The following MLLT10 variants were observed in gnomAD, a reference collection of about 807,000 sequenced individuals.
MLLT10 encodes protein AF-10.
Under a neutral mutation model 129.1 loss-of-function variants are expected in MLLT10, and 30 were observed. The observed-to-expected ratio is 0.23, with a 90% confidence interval of 0.17 to 0.32. The LOEUF is 0.32. Among genes scored for constraint, MLLT10 ranks in the 10% least tolerant of loss-of-function variants. The probability of loss-of-function intolerance (pLI) is 1.00; values close to 1 mark genes in which losing one functional copy is unlikely to be tolerated. For synonymous variants in MLLT10, 490 were observed against 446.4 expected, an observed-to-expected ratio of 1.10 and a Z score of -1.23; for missense variants, 1,119 against 1,268.3, an observed-to-expected ratio of 0.88 and a Z score of 1.79.
At chr10:21,585,417 G>C (rs2041897672) in intron 3 of MLLT10, among the ~76,000 whole-genome samples, 1 of 152,022 alleles carries the variant, frequency 6.6e-6, no homozygotes, top group African/African-American at 2.4e-5. Flanking sequence ...GAGAAGGAGA[G>C]GGATCCACAA....
intron 11 of MLLT10, among the ~76,000 whole-genome samples, chr10:21,678,855 CA>C (rs1564633315): frequency 6.6e-6 from 1 of 152,168 alleles, no homozygotes; most frequent in Non-Finnish European, 1.5e-5. Context: ...ATCCTTGGAA[CA>C]GCCTTGTGAA....
intron 21 of MLLT10, among the ~76,000 whole-genome samples, chr10:21,739,198 G>A (rs1167232697): frequency 6.6e-6 from 1 of 152,032 alleles, no homozygotes; most frequent in African/African-American, 2.4e-5. Flanking sequence ...GCCATGCCTT[G>A]CCACTGCAAG....
At chr10:21,681,660 A>AT (rs11353777) in intron 12 of MLLT10, among the ~76,000 whole-genome samples, 2 of 151,632 alleles carry the variant, frequency 1.3e-5, no homozygotes, top group African/African-American at 2.4e-5. Flanking sequence ...TAATGTGTTT[A>AT]TTTTTTTAAC....
intron 8 of MLLT10, among the ~76,000 whole-genome samples, chr10:21,633,215 A>C (rs2047159503): frequency 6.6e-6 from 1 of 152,252 alleles, no homozygotes; most frequent in South Asian, 2.1e-4. Context: ...TAAATTAGTT[A>C]GTACATGTAA....
rs146972917 is a variant in MLLT10, at chr10:21,712,921, C to G, written c.1700-851C>G. Among the ~76,000 whole-genome samples, 557 of 152,296 alleles carry G rather than the reference C, an allele frequency of 3.7e-3. 19 individuals carry two copies. The highest frequency in any genetic ancestry group is 8.4e-4 in the Non-Finnish European group (57 of 68,018). On this transcript the variant is annotated intron_variant, in intron 13 of 22. Transcript: ENST00000307729. ...ATTTTCTTTTTTTAAAAAATAAGCA[C>G]TTTTAAAAAATTAACTTGTTTCCTG...
At chr10:21,704,419 AATTT>A (rs1461496578) in intron 13 of MLLT10, among the ~76,000 whole-genome samples, 3 of 148,064 alleles carry the variant, frequency 2.0e-5, no homozygotes, top group Non-Finnish European at 4.5e-5. Context: ...ATAAATAATT[AATTT>A]ATTATTCATA....
chr10:21,742,936 C>G lies in MLLT10; in HGVS notation c.*953C>G, dbSNP rs937174652. Reference sequence around the variant, plus strand: ...TAGATAGCTCAGGCAAAACTATTACCTGGGTATTTATCCACTAATGAGTCA... The same window carrying G: ...TAGATAGCTCAGGCAAAACTATTACGTGGGTATTTATCCACTAATGAGTCA... On this transcript the variant is annotated 3_prime_UTR_variant, in exon 23 of 23. Transcript: ENST00000307729. 3 of 228,822 alleles carry G rather than the reference C, an allele frequency of 1.3e-5. No individual in the cohort carries two copies. Among genetic ancestry groups the G allele is most frequent in the African/African-American group, 4.4e-5 (2 of 45,086 alleles). The allele number at this position is 228,822 out of a possible 1,614,324, so 14.2% of individuals were successfully genotyped here.
At chr10:21,645,170 A>G (rs1021122782) in intron 8 of MLLT10, among the ~76,000 whole-genome samples, 1 of 152,172 alleles carries the variant, frequency 6.6e-6, no homozygotes, top group East Asian at 1.9e-4. Context: ...TAAGAGCTGA[A>G]TCCTGTAGCT....
At chr10:21,579,492 T>C (rs1392843198) in intron 3 of MLLT10, among the ~76,000 whole-genome samples, 2 of 151,940 alleles carry the variant, frequency 1.3e-5, no homozygotes, top group East Asian at 1.9e-4. Context: ...GGTACTGTCC[T>C]GTAGGTCCCT....
intron 3 of MLLT10, among the ~76,000 whole-genome samples, chr10:21,549,397 A>G (rs2036612166): frequency 6.6e-6 from 1 of 152,132 alleles, no homozygotes; most frequent in African/African-American, 2.4e-5. Flanking sequence ...GGCGTGAGCC[A>G]CTGCACCCGT....
intron 18 of MLLT10, 70 bp downstream of exon 18, chr10:21,733,157 G>A: frequency 7.1e-7 from 1 of 1,399,524 alleles, no homozygotes; most frequent in Non-Finnish European, 9.7e-7. Flanking sequence ...TTATAAGTGA[G>A]TAATAATTGG....
At chr10:21,621,510 G>A (rs1292702655) in intron 8 of MLLT10, among the ~76,000 whole-genome samples, 1 of 152,164 alleles carries the variant, frequency 6.6e-6, no homozygotes, top group Non-Finnish European at 1.5e-5. Flanking sequence ...CTCCCAAAGT[G>A]CTGGGATTAC....
At chr10:21,585,763 T>G (rs919187583) in intron 3 of MLLT10, among the ~76,000 whole-genome samples, 1 of 152,032 alleles carries the variant, frequency 6.6e-6, no homozygotes, top group African/African-American at 2.4e-5. Flanking sequence ...TGGCAGGAGT[T>G]TTGTTTTGTT....
chr10:21,538,953 G>C, intron 3 of MLLT10, 41 bp downstream of exon 3: 1 of 1,463,204 alleles, frequency 6.8e-7, no homozygotes, highest in Middle Eastern at 1.7e-4. Context: ...TTAGTGAGTA[G>C]GTTAGGAAAT....
chr10:21,556,703 C>T (rs2038045731), intron 3 of MLLT10: 2 of 1,612,428 alleles, frequency 1.2e-6, no homozygotes, highest in Admixed American at 1.7e-5. Flanking sequence ...ATACATAGAA[C>T]ATCACTGCGC....
In MLLT10 at chr10:21,673,515, G is replaced by A; in HGVS notation, c.1217G>A (p.Ser406Asn). ...TKDVHKGESG[S>N]QEGGVNSFST... ...GATGTACATAAAGGAGAGTCTGGAAGCCAGGAAGGGGGGGTAAATAGTTTT... is the reference window on the plus strand; with the variant it reads ...GATGTACATAAAGGAGAGTCTGGAAACCAGGAAGGGGGGGTAAATAGTTTT... The change falls in exon 11 of 23, where the codon AGC becomes AAC. Residue 406 changes from serine (S) to asparagine (N), a missense_variant. Ser to Asn is a conservative substitution (Grantham distance 46). Transcript: ENST00000307729. The A allele has an allele frequency of 6.2e-7, 1 of 1,613,716 alleles. No individual in the cohort carries two copies. Among genetic ancestry groups the A allele is most frequent in the African/African-American group, 1.3e-5 (1 of 74,930 alleles).
chr10:21,547,792 G>A (rs751658316), intron 3 of MLLT10, among the ~76,000 whole-genome samples: 5 of 152,040 alleles, frequency 3.3e-5, no homozygotes, highest in Non-Finnish European at 7.4e-5. Flanking sequence ...TCCTGCTTTG[G>A]CCTCCCAAAG....
At chr10:21,730,779 T>TG in intron 16 of MLLT10, 121 bp from the exon 17 acceptor site, 1 of 936,574 alleles carries the variant, frequency 1.1e-6, no homozygotes, top group South Asian at 1.6e-5. Flanking sequence ...CTGATACTTC[T>TG]GGCATAGGCA....
chr10:21,563,838 A>G (rs565550373), intron 3 of MLLT10, among the ~76,000 whole-genome samples: 25 of 149,908 alleles, frequency 1.7e-4, no homozygotes, highest in African/African-American at 4.7e-4. Context: ...TTTGAGACAG[A>G]GTCTTGCTTT....
Sources: gnomAD v4.1 joint callset for allele counts (sites outside exome capture counted in the v4.1 genomes callset) on GRCh38, gnomAD v4.1.1 for gene constraint, MANE v1.5 for transcripts, NCBI Gene and HGNC (gene_info 2026-07-23, HGNC 2026-07-21) for gene names.